The following GABRA5 variants were observed in gnomAD, a reference collection of about 807,000 sequenced individuals.
GABRA5 encodes gamma-aminobutyric acid receptor subunit alpha-5.
GABRA5 carries 18 observed loss-of-function variants against 47.3 expected under a neutral mutation model. The observed-to-expected ratio is 0.38, with a 90% confidence interval of 0.26 to 0.56. The LOEUF (loss-of-function observed/expected upper bound fraction) is 0.56. Among genes scored for constraint, GABRA5 ranks in the 20% least tolerant of loss-of-function variants. The pLI is 0.71. For missense variants in GABRA5, 365 were observed against 599.3 expected (o/e 0.61, Z 4.08); for synonymous variants, 237 against 229.3 (o/e 1.03, Z -0.30).
At chr15:26,935,081 G>A (rs1025527614) in intron 7 of GABRA5, among the ~76,000 whole-genome samples, 1 of 152,158 alleles carries the variant, frequency 6.6e-6, no homozygotes, top group Non-Finnish European at 1.5e-5. Context: ...CCACACTGCT[G>A]ACACAGAGAA....
intron 8 of GABRA5, chr15:26,939,107 G>A: frequency 1.5e-6 from 1 of 681,968 alleles, no homozygotes; most frequent in East Asian, 2.5e-5. Flanking sequence ...AAAGTTTTTT[G>A]AATTGCTCTT....
Position 26,948,438 on chromosome 15 carries a change from AAAC to A in GABRA5, c.*209_*211del, listed in dbSNP as rs1415049452. 9 of 573,678 alleles carry A rather than the reference AAAC, an allele frequency of 1.6e-5. No individual in the cohort carries two copies. The highest frequency in any genetic ancestry group is 6.5e-5 in the Admixed American group (2 of 30,778). 35.5% of individuals were successfully genotyped at this position (573,678 alleles called of 1,614,324 possible). A position where few individuals can be genotyped will look rare whatever the true frequency, so the allele number is the denominator to read the frequency against. ...AAGATGTCCCATTGATAATTCGAGC[AAAC>A]AACTTTCTGGAAAAACAGGATACGA... is the stretch of plus-strand genomic sequence containing the variant. On this transcript the variant is annotated 3_prime_UTR_variant, in exon 11 of 11. Coordinates refer to ENST00000335625, the MANE Select transcript of GABRA5 (RefSeq NM_000810.4).
chr15:26,925,961 G>A (rs1167977389), intron 7 of GABRA5, among the ~76,000 whole-genome samples: 2 of 152,166 alleles, frequency 1.3e-5, no homozygotes, highest in Non-Finnish European at 2.9e-5. Flanking sequence ...AGAGATCTGG[G>A]GAGAGATGAT....
rs1175586248 is a variant in GABRA5 at position 26,883,681 on chromosome 15, T to C, written c.497+124T>C. 3 of 760,206 alleles carry C rather than the reference T, an allele frequency of 3.9e-6. No homozygotes were observed. Among genetic ancestry groups the C allele is most frequent in the Admixed American group, 6.4e-5 (2 of 31,034 alleles). 47.1% of individuals were successfully genotyped at this position (760,206 alleles called of 1,614,324 possible). A position where few individuals can be genotyped will look rare whatever the true frequency, so the allele number is the denominator to read the frequency against. ...CATAGGTCTGAGACTGCGGCGCGTG[T>C]GTGCTGGGGGTTCCCCGTTGCCATC... On this transcript the variant is annotated intron_variant, in intron 6 of 10. Transcript: ENST00000335625. This position sits in a 1 kb window ranked among gnomAD's most constrained non-coding sequence, Gnocchi z 4.8.
intron 7 of GABRA5, among the ~76,000 whole-genome samples, chr15:26,927,134 C>T (rs535888459): frequency 5.9e-5 from 9 of 151,396 alleles, no homozygotes; most frequent in African/African-American, 1.5e-4. Context: ...GACAGAGTCT[C>T]ACACTCTCAC....
At chr15:26,876,910 GGCT>G (rs1892610647) in intron 3 of GABRA5, among the ~76,000 whole-genome samples, 1 of 152,168 alleles carries the variant, frequency 6.6e-6, no homozygotes, top group South Asian at 2.1e-4. Context: ...GGAGGAACAG[GGCT>G]GAGTCTAGGA....
intron 6 of GABRA5, among the ~76,000 whole-genome samples, chr15:26,911,281 AT>A (rs1474229556): frequency 1.3e-5 from 2 of 151,242 alleles, no homozygotes; most frequent in African/African-American, 4.9e-5. Flanking sequence ...TACTGGAGTT[AT>A]TTTTTCTTTA....
chr15:26,906,169 C>A (rs1378326845), intron 6 of GABRA5, among the ~76,000 whole-genome samples: 1 of 151,794 alleles, frequency 6.6e-6, no homozygotes, highest in Admixed American at 6.6e-5. Context: ...TTGTTGTTTG[C>A]TTGTTTGGTG....
chr15:26,941,070 G>A (rs1347324280), intron 9 of GABRA5, among the ~76,000 whole-genome samples: 1 of 152,172 alleles, frequency 6.6e-6, no homozygotes, highest in African/African-American at 2.4e-5. Flanking sequence ...AGCACAGGGA[G>A]TTCAGGAGTG....
Position 26,937,277 on chromosome 15 carries a change from T to A in GABRA5, c.673T>A (p.Tyr225Asn), listed in dbSNP as rs1305538057. The A allele has an allele frequency of 1.1e-5, 17 of 1,613,792 alleles. No homozygotes were observed. The highest frequency in any genetic ancestry group is 1.4e-5 in the Non-Finnish European group (17 of 1,179,866). The change falls in exon 8 of 11, where the codon TAC becomes AAC. Residue 225 changes from tyrosine to asparagine, a missense_variant. Physicochemically the swap from Tyr to Asn is moderately radical, Grantham distance 143 (BLOSUM62 -2). This residue lies in a region of GABRA5 where 216 missense variants were observed against 335.3 expected (regional missense o/e 0.64). Coordinates refer to ENST00000335625, the MANE Select transcript of GABRA5 (RefSeq NM_000810.4). ...GGAAGATGGCTCCAGACTGAACCAGTACCACCTGATGGGGCAGACGGTGGG... is the reference window on the plus strand; with the variant it reads ...GGAAGATGGCTCCAGACTGAACCAGAACCACCTGATGGGGCAGACGGTGGG... ...VAEDGSRLNQ[Y>N]HLMGQTVGTE...
chr15:26,928,155 T>C (rs1412673885), intron 7 of GABRA5, among the ~76,000 whole-genome samples: 2 of 152,212 alleles, frequency 1.3e-5, no homozygotes, highest in East Asian at 3.9e-4. Context: ...AAATTAGAAC[T>C]GGAAGCTTCT....
At chr15:26,917,053 C>G (rs148994251) in intron 7 of GABRA5, among the ~76,000 whole-genome samples, 1 of 152,018 alleles carries the variant, frequency 6.6e-6, no homozygotes, top group South Asian at 2.1e-4. Context: ...GATTTGGATG[C>G]CTTTTATTTC....
At chr15:26,926,221 G>A (rs180952443) in intron 7 of GABRA5, among the ~76,000 whole-genome samples, 95 of 152,088 alleles carry the variant, frequency 6.2e-4, no homozygotes, top group Admixed American at 2.0e-3. Flanking sequence ...GAGTCTCTCC[G>A]GGGCTTTCAG....
intron 6 of GABRA5, among the ~76,000 whole-genome samples, chr15:26,889,336 C>T (rs72712073): frequency 0.012 from 1,837 of 151,478 alleles, 21 homozygotes; most frequent in Non-Finnish European, 0.017. Context: ...GTCATGAGTC[C>T]TTGGAAATTA....
intron 10 of GABRA5, 144 bp downstream of exon 10, chr15:26,943,570 A>G: frequency 1.4e-6 from 1 of 728,974 alleles, no homozygotes; most frequent in South Asian, 1.7e-5. Flanking sequence ...GGCCCTTACC[A>G]AGTCTTACTG....
chr15:26,912,710 A>G lies in GABRA5; in HGVS notation c.498-2093A>G, dbSNP rs1011313722. Among the ~76,000 whole-genome samples the G allele has an allele frequency of 8.0e-4, 122 of 152,374 alleles. 1 individual carries two copies. The highest frequency in any genetic ancestry group is 3.4e-3 in the Middle Eastern group (1 of 294). ...ATATAAAGATTTTGGTGATGGGGGAAGTACTTCTGTTCTAGTGTTAGGTAT... is the reference window on the plus strand; with the variant it reads ...ATATAAAGATTTTGGTGATGGGGGAGGTACTTCTGTTCTAGTGTTAGGTAT... On this transcript the variant is annotated intron_variant, in intron 6 of 10. Transcript: ENST00000335625.
intron 6 of GABRA5, among the ~76,000 whole-genome samples, chr15:26,907,889 C>T (rs990595002): frequency 1.3e-5 from 2 of 152,308 alleles, no homozygotes; most frequent in African/African-American, 2.4e-5. Context: ...CATGGTACAT[C>T]GTGATACTGA....
At chr15:26,892,717 G>A (rs1361036004) in intron 6 of GABRA5, among the ~76,000 whole-genome samples, 1 of 152,232 alleles carries the variant, frequency 6.6e-6, no homozygotes, top group African/African-American at 2.4e-5. Flanking sequence ...TAAGGTCCGA[G>A]CAGAGGGGCT....
chr15:26,943,491 C>A, intron 10 of GABRA5, 65 bp downstream of exon 10: 2 of 1,402,994 alleles, frequency 1.4e-6, no homozygotes, highest in Non-Finnish European at 2.0e-6. Context: ...CTGATTCTAT[C>A]CAAACATGAG....
Sources: allele counts gnomAD v4.1 joint callset (sites outside exome capture counted in the v4.1 genomes callset), GRCh38; gene constraint gnomAD v4.1.1; regional missense constraint gnomAD v4.1.1; non-coding constraint Gnocchi (gnomAD v3.1); transcripts MANE v1.5; gene names NCBI Gene and HGNC (gene_info 2026-07-23, HGNC 2026-07-21).